MYO1D: variants seen among roughly 807,000 people sequenced by gnomAD.
MYO1D encodes myosin ID.
Under a neutral mutation model 122.0 loss-of-function variants are expected in MYO1D, and 83 were observed. The observed-to-expected ratio is 0.68, with a 90% CI of 0.57 to 0.82. The LOEUF is 0.82. MYO1D is among the 40% of genes least tolerant of loss of function. The probability of loss-of-function intolerance (pLI) is 0.00; values close to 1 mark genes in which losing one functional copy is unlikely to be tolerated. For synonymous variants in MYO1D, 464 were observed against 446.9 expected, an observed-to-expected ratio of 1.04 and a Z score of -0.48; for missense variants, 1,157 against 1,269.5, an observed-to-expected ratio of 0.91 and a Z score of 1.35.
At chr17:32,760,717 T>C in intron 8 of MYO1D, 90 bp from the exon 9 acceptor site, 1 of 1,342,838 alleles carries the variant, frequency 7.4e-7, no homozygotes, top group Non-Finnish European at 1.0e-6. Flanking sequence ...CCTGTCCACC[T>C]TCTCACTGTT....
intron 1 of MYO1D, among the ~76,000 whole-genome samples, chr17:32,860,412 C>G (rs552142577): frequency 6.6e-6 from 1 of 152,352 alleles, no homozygotes; most frequent in Non-Finnish European, 1.5e-5. Flanking sequence ...AGCTAGGGAA[C>G]TTCCAAGTCC....
chr17:32,778,651 AAATC>A, intron 2 of MYO1D, 78 bp from the exon 3 acceptor site: 1 of 1,284,910 alleles, frequency 7.8e-7, no homozygotes, highest in South Asian at 1.3e-5. Flanking sequence ...AATAATTTAA[AAATC>A]TGATACTGGT....
chr17:32,866,878 C>T (rs951446925), intron 1 of MYO1D, among the ~76,000 whole-genome samples: 10 of 152,218 alleles, frequency 6.6e-5, no homozygotes, highest in Admixed American at 2.6e-4. Context: ...ACTATCTCTA[C>T]TTCAACAAGG....
rs543481438 is a variant in MYO1D at position 32,687,212 on chromosome 17, T to C, written c.2121+24776A>G. On this transcript the variant is annotated intron_variant, in intron 16 of 21. Transcript: ENST00000318217. ...CCTGGCTAATTTTTTTTTTTTTTTTTCTGAGACAGAGTCTCACTCTGTCAC... is the reference window on the plus strand; with the variant it reads ...CCTGGCTAATTTTTTTTTTTTTTTTCCTGAGACAGAGTCTCACTCTGTCAC... Among the ~76,000 whole-genome samples the C allele has an allele frequency of 1.3e-4, 16 of 121,258 alleles. No individual in the cohort carries two copies. The South Asian group carries it at 1.9e-3, about 14-fold the overall frequency. 79.5% of individuals were successfully genotyped at this position (121,258 alleles called of 152,430 possible).
At chr17:32,626,761 G>T (rs928901847) in intron 20 of MYO1D, among the ~76,000 whole-genome samples, 1 of 152,112 alleles carries the variant, frequency 6.6e-6, no homozygotes. Context: ...CATCAACGGG[G>T]GAGCTCTGAA....
At chr17:32,663,195 G>A (rs1422053703) in intron 16 of MYO1D, among the ~76,000 whole-genome samples, 3 of 152,146 alleles carry the variant, frequency 2.0e-5, no homozygotes, top group African/African-American at 7.2e-5. Flanking sequence ...GGGATTACAG[G>A]TGTGAGCCAC....
Position 32,721,104 on chromosome 17 carries a change from T to C in MYO1D, c.1832A>G (p.Glu611Gly). Residue 611 changes from glutamate (E) to glycine (G), a missense_variant, in exon 15 of 22, where the codon GAA becomes GGA. Transcript: ENST00000318217. ...CACATTTTCCAGTAGTCCAAGATAT[T>C]CTACTTGGTGCCGGCAGCGTTCATC... ...FDDERCRHQVEYLGLLENVRV... is the reference protein window; with the variant it reads ...FDDERCRHQVGYLGLLENVRV... 1 of 1,614,108 alleles carries C rather than the reference T, an allele frequency of 6.2e-7. No individual in the cohort carries two copies. The highest frequency in any genetic ancestry group is 1.1e-5 in the South Asian group (1 of 91,056).
intron 21 of MYO1D, among the ~76,000 whole-genome samples, chr17:32,504,103 C>T (rs73274242): frequency 2.0e-4 from 31 of 152,312 alleles, no homozygotes; most frequent in African/African-American, 6.7e-4. Flanking sequence ...AAACCTTTCT[C>T]TTGTCATGAA....
chr17:32,800,353 T>C (rs1436738683), intron 1 of MYO1D, among the ~76,000 whole-genome samples: 1 of 152,184 alleles, frequency 6.6e-6, no homozygotes, highest in African/African-American at 2.4e-5. Flanking sequence ...CAGAATACTA[T>C]TTAGCTTTTA....
At chr17:32,813,139 T>A (rs1176221762) in intron 1 of MYO1D, among the ~76,000 whole-genome samples, 2 of 152,242 alleles carry the variant, frequency 1.3e-5, no homozygotes, top group Non-Finnish European at 2.9e-5. Context: ...CTCTTCTTTA[T>A]TATATCCTCA....
chr17:32,609,734 T>C (rs528460841), intron 20 of MYO1D, among the ~76,000 whole-genome samples: 1 of 152,218 alleles, frequency 6.6e-6, no homozygotes, highest in African/African-American at 2.4e-5. Flanking sequence ...AGGTGAGTTC[T>C]TGGGTTGATT....
intron 19 of MYO1D, among the ~76,000 whole-genome samples, chr17:32,652,649 G>A (rs368164795): frequency 6.6e-5 from 10 of 150,950 alleles, no homozygotes; most frequent in African/African-American, 1.9e-4. Flanking sequence ...GACTAGCTAC[G>A]TCCTTTGCCT....
chr17:32,700,052 T>A (rs900498581), intron 16 of MYO1D, among the ~76,000 whole-genome samples: 6 of 152,160 alleles, frequency 3.9e-5, no homozygotes, highest in African/African-American at 9.7e-5. Flanking sequence ...GGAAATGATT[T>A]AAAAAAATTT....
At chr17:32,513,214 G>A (rs896047398) in intron 21 of MYO1D, among the ~76,000 whole-genome samples, 2 of 152,234 alleles carry the variant, frequency 1.3e-5, no homozygotes, top group African/African-American at 4.8e-5. Flanking sequence ...AGGTATGGCA[G>A]ATAGACTGTT....
intron 14 of MYO1D, among the ~76,000 whole-genome samples, chr17:32,727,287 G>A (rs1057260347): frequency 2.0e-5 from 3 of 152,198 alleles, no homozygotes; most frequent in African/African-American, 4.8e-5. Flanking sequence ...ACATGTGTGC[G>A]AGGTGAACTT....
intron 6 of MYO1D, among the ~76,000 whole-genome samples, chr17:32,769,960 A>G (rs1440780487): frequency 2.0e-5 from 3 of 152,228 alleles, no homozygotes. Flanking sequence ...GAAAACAAAC[A>G]TTCCCAGTCA....
At chr17:32,760,455 A>C in intron 9 of MYO1D, 27 bp downstream of exon 9, 1 of 1,606,186 alleles carries the variant, frequency 6.2e-7, no homozygotes, top group Non-Finnish European at 8.5e-7. Context: ...ACAGGCAACA[A>C]GGTTTTAAGT....
intron 21 of MYO1D, among the ~76,000 whole-genome samples, chr17:32,570,614 A>C (rs898161850): frequency 2.6e-5 from 4 of 152,172 alleles, no homozygotes; most frequent in Non-Finnish European, 4.4e-5. Flanking sequence ...GGCCTCCCAA[A>C]GTGCTGGGAT....
intron 1 of MYO1D, among the ~76,000 whole-genome samples, chr17:32,820,498 T>C (rs577062769): frequency 2.0e-5 from 3 of 152,318 alleles, no homozygotes; most frequent in Non-Finnish European, 4.4e-5. Context: ...CTGGAGGATA[T>C]TATGCTAAGT....
Sources: allele counts gnomAD v4.1 joint callset (sites outside exome capture counted in the v4.1 genomes callset), GRCh38; gene constraint gnomAD v4.1.1; transcripts MANE v1.5; gene names NCBI Gene and HGNC (gene_info 2026-07-23, HGNC 2026-07-21).